Variants in SETDB1 observed in about 807,000 individuals in gnomAD.
SETDB1 encodes the protein histone-lysine N-methyltransferase SETDB1.
In SETDB1, 31 loss-of-function variants were observed where a neutral mutation model predicts 137.4. The observed-to-expected ratio is 0.23, with a 90% CI of 0.17 to 0.30. The LOEUF (loss-of-function observed/expected upper bound fraction) is 0.30, where lower values mean the gene tolerates loss of function less well. SETDB1 is among the 10% of genes least tolerant of loss of function. SETDB1 has a pLI of 1.00. For missense variants in SETDB1, 1,113 were observed against 1,631.5 expected (o/e 0.68, Z 5.47); for synonymous variants, 548 against 579.9 (o/e 0.95, Z 0.79).
In SETDB1 at chr1:150,944,927, C is replaced by T. The variant is rs747814769; in HGVS notation, c.959C>T (p.Thr320Ile). ...LYPICRPLKK[T>I]WEDIEDISCR... Reference sequence around the variant, plus strand: ...TTCTTCCTTGAAACAGTGAAAAAGACTTGGGAGGACATAGAAGACATCTCC... The same window carrying T: ...TTCTTCCTTGAAACAGTGAAAAAGATTTGGGAGGACATAGAAGACATCTCC... The change falls in exon 9 of 22, where the codon ACT (threonine) becomes ATT (isoleucine). Residue 320 changes from threonine to isoleucine, a missense_variant. By Grantham distance (89) the Thr-to-Ile change is moderately conservative. This residue lies in a region of SETDB1 where 154 missense variants were observed against 303.1 expected (regional missense o/e 0.51). Coordinates refer to ENST00000692827, the MANE Select transcript of SETDB1 (RefSeq NM_001366418.1). The T allele has an allele frequency of 1.9e-6, 3 of 1,614,040 alleles. No individual in the cohort carries two copies. In the East Asian group the frequency reaches 6.7e-5, roughly 36 times the overall value.
chr1:150,964,217 G>A, intron 21 of SETDB1, 30 bp from the exon 22 acceptor site: 2 of 1,596,502 alleles, frequency 1.3e-6, no homozygotes, highest in Non-Finnish European at 1.7e-6. Flanking sequence ...TGCTGTCTTT[G>A]CCACACACCA....
chr1:150,941,869 C>T (rs1670168524), intron 5 of SETDB1, among the ~76,000 whole-genome samples: 1 of 152,026 alleles, frequency 6.6e-6, no homozygotes, highest in African/African-American at 2.4e-5. Flanking sequence ...GGGCCAGGCA[C>T]GGTGGCTCAC....
chr1:150,933,566 A>G (rs946094644), intron 3 of SETDB1, among the ~76,000 whole-genome samples: 11 of 151,316 alleles, frequency 7.3e-5, no homozygotes, highest in African/African-American at 2.7e-4. Flanking sequence ...TAGTAGAGAC[A>G]GGATTTCTCT....
At chr1:150,934,546 A>G (rs587612329) in intron 3 of SETDB1, among the ~76,000 whole-genome samples, 61 of 152,216 alleles carry the variant, frequency 4.0e-4, no homozygotes, top group Admixed American at 1.5e-3. Flanking sequence ...GTGTGATACT[A>G]TTGTCAAATA....
chr1:150,955,419 C>T (rs947705782), intron 14 of SETDB1, among the ~76,000 whole-genome samples: 2 of 152,204 alleles, frequency 1.3e-5, no homozygotes, highest in Non-Finnish European at 2.9e-5. Flanking sequence ...TCCAACCACA[C>T]TGATATTTTT....
Position 150,943,908 on chromosome 1 carries a change from CTTCTT to C in SETDB1, c.876-9_876-5del. On this transcript the variant is annotated splice_region_variant and splice_polypyrimidine_tract_variant and intron_variant, in intron 7 of 21. Transcript: ENST00000692827. ...ACCCCCAGATCTTTCTGCTGTCACT[CTTCTT>C]TTATAGGTTTCTCATTTTCTTTGAT... 6.4e-7 allele frequency: 1 copy of C among 1,571,204 alleles called. No homozygotes were observed. The highest frequency in any genetic ancestry group is 8.8e-7 in the Non-Finnish European group (1 of 1,141,428).
At chr1:150,959,122 T>C (rs587663402) in intron 14 of SETDB1, 56 bp from the exon 15 acceptor site, 1 of 1,268,540 alleles carries the variant, frequency 7.9e-7, no homozygotes, top group Non-Finnish European at 1.1e-6. Flanking sequence ...GTTTTATGGA[T>C]TTTTTTGTGC....
chr1:150,930,540 T>TC (rs1669696072), intron 3 of SETDB1: 2 of 139,662 alleles, frequency 1.4e-5, no homozygotes, highest in Admixed American at 7.5e-5. Context: ...TTTTTTTTTT[T>TC]TTTTTTGAGA....
chr1:150,960,944 C>T lies in SETDB1; in HGVS notation c.2885C>T (p.Pro962Leu), dbSNP rs770590976. Residue 962 changes from proline to leucine, a missense_variant, in exon 16 of 22, where the codon CCC (proline) becomes CTC (leucine). Pro to Leu is a moderately conservative substitution (Grantham distance 98). Coordinates refer to ENST00000692827, the MANE Select transcript of SETDB1 (RefSeq NM_001366418.1). ...GGACCCCCACATATTCCTGTTCCTC[C>T]CTCAATCCCTGTAGGTGGCTGCAAT... is the stretch of plus-strand genomic sequence containing the variant. ...DLGPPHIPVP[P>L]SIPVGGCNPP... The T allele has an allele frequency of 6.2e-7, 1 of 1,613,990 alleles. No individual in the cohort carries two copies. Among genetic ancestry groups the T allele is most frequent in the South Asian group, 1.1e-5 (1 of 91,070 alleles).
chr1:150,930,735 A>T (rs1224613124), intron 3 of SETDB1, among the ~76,000 whole-genome samples: 1 of 151,694 alleles, frequency 6.6e-6, no homozygotes, highest in African/African-American at 2.4e-5. Flanking sequence ...ACAGGGTTTC[A>T]TCATCTTGGC....
Position 150,930,107 on chromosome 1 carries a change from G to A in SETDB1, c.401G>A (p.Ser134Asn), listed in dbSNP as rs1669677700. 1 of 1,613,824 alleles carries A rather than the reference G, an allele frequency of 6.2e-7. No individual in the cohort carries two copies. The highest frequency in any genetic ancestry group is 1.1e-5 in the South Asian group (1 of 91,050). The part of the protein sequence containing the change: ...EIPDEDDDVL[S>N]IDSGDAGSRT... ...CCTGATGAAGATGATGATGTCCTCAGTATTGATTCAGGTAAGGGATGAGCT... is the reference window on the plus strand; with the variant it reads ...CCTGATGAAGATGATGATGTCCTCAATATTGATTCAGGTAAGGGATGAGCT... The change falls in exon 3 of 22, where the codon AGT (serine) becomes AAT (asparagine). Residue 134 changes from serine (S) to asparagine (N), a missense_variant. Ser to Asn is a conservative substitution (Grantham distance 46, BLOSUM62 1). This residue lies in a region of SETDB1 where 159 missense variants were observed against 188.6 expected (regional missense o/e 0.84). Transcript: ENST00000692827.
At chr1:150,946,524 C>T (rs1433133961) in intron 9 of SETDB1, among the ~76,000 whole-genome samples, 1 of 152,114 alleles carries the variant, frequency 6.6e-6, no homozygotes, top group Non-Finnish European at 1.5e-5. Flanking sequence ...TCTCGGCTCA[C>T]CACAACCTCC....
rs747346191 is a variant in SETDB1, at chr1:150,927,838, C to T, written c.124C>T (p.His42Tyr). 1 of 1,614,156 alleles carries T rather than the reference C, an allele frequency of 6.2e-7. No individual in the cohort carries two copies. Among genetic ancestry groups the T allele is most frequent in the African/African-American group, 1.3e-5 (1 of 75,034 alleles). ...ELGISMEELR[H>Y]FIDEELEKMD... Reference sequence around the variant, plus strand: ...GGGTATCTCTATGGAGGAACTTCGGCATTTCATCGATGAGGAACTGGAGAA... The same window carrying T: ...GGGTATCTCTATGGAGGAACTTCGGTATTTCATCGATGAGGAACTGGAGAA... Residue 42 changes from histidine to tyrosine, a missense_variant, in exon 2 of 22, where the codon CAT becomes TAT. Coordinates refer to ENST00000692827, the MANE Select transcript of SETDB1 (RefSeq NM_001366418.1).
At position 150,934,520 on chromosome 1, in the gene SETDB1, CTTTCACTCTCTTCCT is replaced by C. The variant is rs587761808; in HGVS notation, c.412+4403_412+4417del. The stretch of plus-strand genomic sequence containing the variant: ...GCCACTTTGCACCAGCATACTTCTA[CTTTCACTCTCTTCCT>C]GTGTGATACTATTGTCAAATATATT... On this transcript the variant is annotated intron_variant, in intron 3 of 21. Coordinates refer to ENST00000692827, the MANE Select transcript of SETDB1 (RefSeq NM_001366418.1). Among the ~76,000 whole-genome samples, 764 of 152,172 alleles carry C rather than the reference CTTTCACTCTCTTCCT, an allele frequency of 5.0e-3. 9 individuals are homozygous for C. Among genetic ancestry groups the C allele is most frequent in the Middle Eastern group, 0.02 (6 of 294 alleles).
intron 3 of SETDB1, chr1:150,930,532 T>C (rs931161345): frequency 3.8e-5 from 5 of 132,112 alleles, no homozygotes; most frequent in African/African-American, 1.5e-4. Flanking sequence ...TTTTTTTTTT[T>C]TTTTTTTTTT....
Position 150,950,683 on chromosome 1 carries a change from C to T in SETDB1, c.1809C>T (p.Val603=), listed in dbSNP as rs779288720. 3.1e-6 allele frequency: 5 copies of T among 1,614,058 alleles called. No homozygotes were observed. The South Asian group carries it at 5.5e-5, about 18-fold the overall frequency. ...ACCGGGGCAAGAACCCTCTGCTGGT[C>T]CCGTTACTATATGACTTCCGGCGGA... is the stretch of plus-strand genomic sequence containing the variant. ...EQYRGKNPLL[V]PLLYDFRRMT... The change falls in exon 13 of 22, where the codon GTC becomes GTT. Residue 603 remains valine (V), a synonymous_variant. Coordinates refer to ENST00000692827, the MANE Select transcript of SETDB1 (RefSeq NM_001366418.1).
chr1:150,958,306 C>T (rs1402724404), intron 14 of SETDB1, among the ~76,000 whole-genome samples: 1 of 131,158 alleles, frequency 7.6e-6, no homozygotes, highest in African/African-American at 2.9e-5. Context: ...GATTGGAGTG[C>T]AGTGGCTTGA....
intron 14 of SETDB1, among the ~76,000 whole-genome samples, chr1:150,958,476 T>G (rs1332701228): frequency 2.0e-5 from 3 of 151,890 alleles, no homozygotes; most frequent in African/African-American, 7.2e-5. Context: ...GGTCTCACTC[T>G]CCTGACCTCG....
chr1:150,928,126 T>A, intron 2 of SETDB1, 152 bp downstream of exon 2: 3 of 829,046 alleles, frequency 3.6e-6, no homozygotes, highest in Non-Finnish European at 5.6e-6. Flanking sequence ...GGAGTGATCC[T>A]GGCTCACTGC....
Sources: gnomAD v4.1 joint callset for allele counts (sites outside exome capture counted in the v4.1 genomes callset) on GRCh38, gnomAD v4.1.1 for gene constraint, gnomAD v4.1.1 regional missense constraint, MANE v1.5 for transcripts, NCBI Gene and HGNC (gene_info 2026-07-23, HGNC 2026-07-21) for gene names.